The following GALNT2 variants were observed in gnomAD, a reference collection of about 807,000 sequenced individuals.
GALNT2 encodes UDP-GalNAc:polypeptide N-acetylgalactosaminyltransferase 2.
Under a neutral mutation model 81.4 loss-of-function variants are expected in GALNT2, and 31 were observed. That is an observed-to-expected ratio of 0.38 (90% confidence interval 0.29 to 0.51). The LOEUF is 0.51. GALNT2 is among the 20% of genes least tolerant of loss of function. The pLI, the probability that GALNT2 is intolerant of heterozygous loss-of-function variation, is 0.87. For missense variants in GALNT2, 629 were observed against 765.7 expected (o/e 0.82, Z 2.11); for synonymous variants, 303 against 287.4 (o/e 1.05, Z -0.55).
intron 2 of GALNT2, among the ~76,000 whole-genome samples, chr1:230,191,051 T>C (rs1663507938): frequency 6.6e-6 from 1 of 152,222 alleles, no homozygotes; most frequent in South Asian, 2.1e-4. Flanking sequence ...TAAAAAATCT[T>C]CATTGTCCTT....
In GALNT2 at chr1:230,153,330, T is replaced by C. The variant is rs564519888; in HGVS notation, c.127-24888T>C. 1.4e-4 allele frequency among the ~76,000 whole-genome samples: 21 copies of C among 152,344 alleles called. No homozygotes were observed. In the South Asian group the frequency reaches 4.1e-3, roughly 30 times the overall value. On this transcript the variant is annotated intron_variant, in intron 1 of 15. Coordinates refer to ENST00000366672, the MANE Select transcript of GALNT2 (RefSeq NM_004481.5). ...CAGATGTCTGCTAATGATCGGTTCT[T>C]TTCTCCTTACATGCGGGAGTGTTTC...
At chr1:230,174,005 C>T (rs953121269) in intron 1 of GALNT2, among the ~76,000 whole-genome samples, 1 of 152,092 alleles carries the variant, frequency 6.6e-6, no homozygotes, top group South Asian at 2.1e-4. Context: ...GCTTTCCTTA[C>T]CCTCAAAGAA....
intron 1 of GALNT2, among the ~76,000 whole-genome samples, chr1:230,148,169 G>A (rs1187552830): frequency 1.3e-5 from 2 of 152,346 alleles, no homozygotes; most frequent in South Asian, 2.1e-4. Context: ...GCGCTGCGTG[G>A]CTGAGAGCCA....
At chr1:230,197,727 C>T (rs1007711112) in intron 2 of GALNT2, among the ~76,000 whole-genome samples, 6 of 152,144 alleles carry the variant, frequency 3.9e-5, no homozygotes. Flanking sequence ...GCCAGGCTCA[C>T]CCTCATGCTT....
At chr1:230,089,580 C>T (rs976960015) in intron 1 of GALNT2, among the ~76,000 whole-genome samples, 2 of 152,182 alleles carry the variant, frequency 1.3e-5, no homozygotes, top group African/African-American at 4.8e-5. Flanking sequence ...ATTCTCCCTC[C>T]CTGCAGCCAC....
chr1:230,059,446 T>C (rs1237604065), intron 1 of GALNT2, among the ~76,000 whole-genome samples: 2 of 152,168 alleles, frequency 1.3e-5, no homozygotes, highest in African/African-American at 4.8e-5. Flanking sequence ...ACACTAGAAG[T>C]CATGCACAAG....
chr1:230,179,298 G>C (rs1184043202), intron 2 of GALNT2, among the ~76,000 whole-genome samples: 1 of 152,080 alleles, frequency 6.6e-6, no homozygotes, highest in Non-Finnish European at 1.5e-5. Flanking sequence ...TAAGTTTTCA[G>C]CTCATTTGGG....
At chr1:230,238,459 A>G (rs978320041) in intron 6 of GALNT2, among the ~76,000 whole-genome samples, 14 of 152,202 alleles carry the variant, frequency 9.2e-5, no homozygotes, top group Admixed American at 6.5e-4. Flanking sequence ...ATGCCGATGT[A>G]CAGTGGAAGT....
chr1:230,086,683 G>T (rs1201582788), intron 1 of GALNT2, among the ~76,000 whole-genome samples: 1 of 152,096 alleles, frequency 6.6e-6, no homozygotes, highest in East Asian at 1.9e-4. Context: ...TGAGGATTTT[G>T]CTGCAGCCTG....
chr1:230,080,101 A>G (rs1350484628), intron 1 of GALNT2, among the ~76,000 whole-genome samples: 1 of 152,212 alleles, frequency 6.6e-6, no homozygotes, highest in Non-Finnish European at 1.5e-5. Context: ...TTTAGTTTAG[A>G]GGATTTTTCT....
At chr1:230,219,857 A>G (rs1207935926) in intron 3 of GALNT2, among the ~76,000 whole-genome samples, 2 of 152,182 alleles carry the variant, frequency 1.3e-5, no homozygotes, top group Non-Finnish European at 2.9e-5. Flanking sequence ...GCCCCCTGCC[A>G]TGGGATTGCT....
intron 1 of GALNT2, among the ~76,000 whole-genome samples, chr1:230,156,569 A>T (rs1207441008): frequency 6.6e-6 from 1 of 152,124 alleles, no homozygotes; most frequent in African/African-American, 2.4e-5. Context: ...TGGATATTTT[A>T]TTATCGTTTG....
intron 1 of GALNT2, among the ~76,000 whole-genome samples, chr1:230,111,371 CAT>C (rs1162465762): frequency 6.6e-6 from 1 of 152,238 alleles, no homozygotes; most frequent in East Asian, 1.9e-4. Context: ...GTGCATGGAA[CAT>C]ATGCAGTACA....
At chr1:230,267,124 GCTTCTTT>G (rs1343026641) in intron 14 of GALNT2, among the ~76,000 whole-genome samples, 1 of 152,206 alleles carries the variant, frequency 6.6e-6, no homozygotes, top group African/African-American at 2.4e-5. Context: ...CTCATGTGCT[GCTTCTTT>G]CTTCTTTTTC....
intron 1 of GALNT2, among the ~76,000 whole-genome samples, chr1:230,134,061 C>T (rs1254459452): frequency 6.7e-6 from 1 of 149,778 alleles, no homozygotes; most frequent in East Asian, 2.0e-4. Flanking sequence ...TACTCTGATA[C>T]TTGGTTGGTT....
chr1:230,252,001 G>A lies in GALNT2; in HGVS notation c.1009+1441G>A, dbSNP rs550741104. Among the ~76,000 whole-genome samples, 7 of 152,136 alleles carry A rather than the reference G, an allele frequency of 4.6e-5. No homozygotes were observed. The South Asian group carries it at 1.4e-3, about 31-fold the overall frequency. ...TAGGGTCTGAGCGGTTCAGGTTGGG[G>A]TGAAGATGAACCCTGCAAGCAGGAG... On this transcript the variant is annotated intron_variant, in intron 10 of 15. Coordinates refer to ENST00000366672, the MANE Select transcript of GALNT2 (RefSeq NM_004481.5).
chr1:230,116,472 C>A (rs1474788994), intron 1 of GALNT2, among the ~76,000 whole-genome samples: 4 of 152,212 alleles, frequency 2.6e-5, no homozygotes, highest in Non-Finnish European at 5.9e-5. Flanking sequence ...TCGTGATCTA[C>A]CTGCCTCGGC....
intron 1 of GALNT2, among the ~76,000 whole-genome samples, chr1:230,127,395 G>A (rs1466493681): frequency 6.7e-6 from 1 of 148,802 alleles, no homozygotes; most frequent in Non-Finnish European, 1.5e-5. Flanking sequence ...TTTTTTTTTT[G>A]AGTTGGAGTA....
intron 2 of GALNT2, among the ~76,000 whole-genome samples, chr1:230,201,577 C>A (rs1558137615): frequency 1.3e-5 from 2 of 152,276 alleles, no homozygotes; most frequent in South Asian, 4.1e-4. Context: ...TATTATCATA[C>A]CGTGTTTTCA....
Sources: allele counts gnomAD v4.1 joint callset (sites outside exome capture counted in the v4.1 genomes callset), GRCh38; gene constraint gnomAD v4.1.1; transcripts MANE v1.5; gene names NCBI Gene and HGNC (gene_info 2026-07-23, HGNC 2026-07-21).